The following PAPPA variants were observed in gnomAD, a reference collection of about 807,000 sequenced individuals.
PAPPA encodes pappalysin-1.
A neutral mutation model predicts 164.0 loss-of-function variants in PAPPA; 60 were observed. That is an observed-to-expected ratio of 0.37 (90% CI 0.30 to 0.45). The LOEUF (loss-of-function observed/expected upper bound fraction) is 0.45. PAPPA is among the 20% of genes least tolerant of loss of function. The pLI is 1.00. For synonymous variants in PAPPA, 875 were observed against 814.1 expected (o/e 1.07, Z -1.27); for missense variants, 1,782 against 2,087.3 (o/e 0.85, Z 2.85).
intron 7 of PAPPA, among the ~76,000 whole-genome samples, chr9:116,241,265 T>C (rs1844732266): frequency 6.6e-6 from 1 of 152,194 alleles, no homozygotes; most frequent in Admixed American, 6.5e-5. Flanking sequence ...CAATAATGAA[T>C]ACAGCAAGAA....
At chr9:116,263,198 A>G (rs1845023646) in intron 7 of PAPPA, among the ~76,000 whole-genome samples, 1 of 152,200 alleles carries the variant, frequency 6.6e-6, no homozygotes, top group Admixed American at 6.5e-5. Flanking sequence ...AGGTTTCTGT[A>G]CTAATCAAAT....
intron 13 of PAPPA, among the ~76,000 whole-genome samples, chr9:116,341,502 C>T (rs1200571857): frequency 2.6e-5 from 4 of 152,184 alleles, no homozygotes; most frequent in Admixed American, 6.5e-5. Context: ...GTTTAGATGT[C>T]CCTTCCTCAT....
intron 4 of PAPPA, 130 bp downstream of exon 4, chr9:116,212,062 C>A: frequency 1.3e-6 from 1 of 751,646 alleles, no homozygotes; most frequent in Non-Finnish European, 2.2e-6. Context: ...GCCACTTATC[C>A]ACCTAATGTC....
intron 9 of PAPPA, among the ~76,000 whole-genome samples, chr9:116,289,526 T>A (rs888559888): frequency 2.6e-5 from 4 of 151,754 alleles, no homozygotes; most frequent in African/African-American, 9.7e-5. Context: ...ATTCCCAATA[T>A]TTGTATAATA....
chr9:116,302,725 A>C, intron 9 of PAPPA, 32 bp from the exon 10 acceptor site: 1 of 1,547,444 alleles, frequency 6.5e-7, no homozygotes, highest in Non-Finnish European at 8.9e-7. Flanking sequence ...ATATTTATTT[A>C]TTCTCTCCCT....
chr9:116,172,682 C>G (rs1283289666), intron 1 of PAPPA, among the ~76,000 whole-genome samples: 2 of 152,210 alleles, frequency 1.3e-5, no homozygotes, highest in African/African-American at 4.8e-5. Context: ...GCCTCCTCCT[C>G]ATCAATCTTC....
At chr9:116,164,631 C>T (rs1843701148) in intron 1 of PAPPA, among the ~76,000 whole-genome samples, 1 of 152,190 alleles carries the variant, frequency 6.6e-6, no homozygotes, top group Non-Finnish European at 1.5e-5. Context: ...ACCTATTATC[C>T]TTGTAATCAA....
At chr9:116,209,906 A>T (rs1424224392) in intron 3 of PAPPA, among the ~76,000 whole-genome samples, 1 of 152,186 alleles carries the variant, frequency 6.6e-6, no homozygotes, top group Non-Finnish European at 1.5e-5. Context: ...AACCTATGTC[A>T]GCTAACTCCA....
At chr9:116,377,715 T>A in intron 20 of PAPPA, 68 bp downstream of exon 20, 1 of 1,209,032 alleles carries the variant, frequency 8.3e-7, no homozygotes, top group Non-Finnish European at 1.2e-6. Flanking sequence ...GTTATTGTTA[T>A]ATTAATGTTG....
chr9:116,189,890 C>A (rs957826016), intron 2 of PAPPA, among the ~76,000 whole-genome samples: 2 of 152,176 alleles, frequency 1.3e-5, no homozygotes, highest in Non-Finnish European at 2.9e-5. Flanking sequence ...CAGGAGAATG[C>A]CCTGCCTGGC....
chr9:116,363,208 T>C (rs1846452436), intron 18 of PAPPA, among the ~76,000 whole-genome samples: 1 of 152,194 alleles, frequency 6.6e-6, no homozygotes, highest in East Asian at 1.9e-4. Context: ...GTACCTGATA[T>C]AGTTCAGGCC....
At chr9:116,338,648 C>A (rs1045650078) in intron 13 of PAPPA, among the ~76,000 whole-genome samples, 1 of 152,238 alleles carries the variant, frequency 6.6e-6, no homozygotes, top group South Asian at 2.1e-4. Context: ...GGAATTAGTG[C>A]CTCTCAGCAC....
chr9:116,318,067 T>A (rs1845808888), intron 10 of PAPPA, among the ~76,000 whole-genome samples: 1 of 152,166 alleles, frequency 6.6e-6, no homozygotes, highest in African/African-American at 2.4e-5. Context: ...GGAAACTGGG[T>A]TTGTCATGGC....
At chr9:116,313,527 T>C (rs1587999416) in intron 10 of PAPPA, among the ~76,000 whole-genome samples, 1 of 152,132 alleles carries the variant, frequency 6.6e-6, no homozygotes, top group East Asian at 1.9e-4. Flanking sequence ...AGGAAGAGAA[T>C]ATCAATTTAA....
intron 9 of PAPPA, among the ~76,000 whole-genome samples, chr9:116,276,940 T>A (rs1845206838): frequency 1.3e-5 from 2 of 151,964 alleles, no homozygotes. Flanking sequence ...TTGTGGCCCC[T>A]CTGTCAGGCT....
intron 20 of PAPPA, among the ~76,000 whole-genome samples, chr9:116,377,942 A>G (rs926358289): frequency 6.6e-6 from 1 of 152,026 alleles, no homozygotes; most frequent in Admixed American, 6.5e-5. Flanking sequence ...ATCTGTAAGA[A>G]AGGAAGGGCA....
chr9:116,270,750 C>T (rs758603987), intron 8 of PAPPA, among the ~76,000 whole-genome samples: 2 of 144,744 alleles, frequency 1.4e-5, no homozygotes, highest in African/African-American at 5.1e-5. Flanking sequence ...AGTGTAGTCT[C>T]GCAGCCCTTG....
rs1843576930 is a variant in PAPPA, at chr9:116,154,504, A to T, written c.332A>T (p.Asp111Val). The T allele has an allele frequency of 3.6e-6, 5 of 1,371,834 alleles. No individual in the cohort carries two copies. 85.0% of individuals were successfully genotyped at this position (1,371,834 alleles called of 1,614,324 possible). The change falls in exon 1 of 22, where the codon GAC becomes GTC. Residue 111 changes from aspartate to valine, a missense_variant. Physicochemically the swap from Asp to Val is radical, Grantham distance 152. Transcript: ENST00000328252. This position sits in a 1 kb window ranked among gnomAD's most constrained non-coding sequence, Gnocchi z 5.2. ...GRGEQLRLRA[D>V]LELPRDAFTL... ...GGCGAGCAGCTGCGCCTCCGGGCCG[A>T]CCTCGAGCTGCCCCGGGACGCGTTC...
intron 3 of PAPPA, among the ~76,000 whole-genome samples, chr9:116,207,944 C>T (rs1844257247): frequency 6.6e-6 from 1 of 152,194 alleles, no homozygotes; most frequent in Non-Finnish European, 1.5e-5. Context: ...TTTGCTTTCT[C>T]CTTATACCCT....
Sources: gnomAD v4.1 joint callset for allele counts (sites outside exome capture counted in the v4.1 genomes callset) on GRCh38, gnomAD v4.1.1 for gene constraint, Gnocchi (gnomAD v3.1) non-coding constraint, MANE v1.5 for transcripts, NCBI Gene and HGNC (gene_info 2026-07-23, HGNC 2026-07-21) for gene names.